PDE7B: variants seen among roughly 807,000 people sequenced by gnomAD.
The protein encoded by PDE7B is phosphodiesterase 7B, also known as 3',5'-cyclic-AMP phosphodiesterase 7B.
A neutral mutation model predicts 56.2 loss-of-function variants in PDE7B; 29 were observed. The observed-to-expected ratio is 0.52, with a 90% CI of 0.38 to 0.70. The LOEUF is 0.70. Among genes scored for constraint, PDE7B ranks in the 30% least tolerant of loss-of-function variants. The probability of loss-of-function intolerance (pLI) is 0.00; values close to 1 mark genes in which losing one functional copy is unlikely to be tolerated. For synonymous variants in PDE7B, 197 were observed against 196.9 expected, an observed-to-expected ratio of 1.00 and a Z score of 0.00; for missense variants, 490 against 565.0, an observed-to-expected ratio of 0.87 and a Z score of 1.35.
intron 1 of PDE7B, among the ~76,000 whole-genome samples, chr6:135,910,994 G>A (rs1776202303): frequency 6.6e-6 from 1 of 152,090 alleles, no homozygotes; most frequent in Admixed American, 6.5e-5. Flanking sequence ...ACAGATTGGT[G>A]GGGCAGTAAT....
At chr6:135,932,522 G>A (rs1774311687) in intron 1 of PDE7B, among the ~76,000 whole-genome samples, 1 of 152,172 alleles carries the variant, frequency 6.6e-6, no homozygotes, top group African/African-American at 2.4e-5. Flanking sequence ...CTGAACATAT[G>A]GAGAAGGGGA....
intron 1 of PDE7B, among the ~76,000 whole-genome samples, chr6:135,873,722 T>C (rs568007774): frequency 2.7e-4 from 41 of 152,308 alleles, no homozygotes; most frequent in African/African-American, 9.6e-4. Flanking sequence ...TTATAATCAA[T>C]ATAAACTTTG....
chr6:135,937,595 C>G (rs1401570617), intron 1 of PDE7B, among the ~76,000 whole-genome samples: 1 of 152,200 alleles, frequency 6.6e-6, no homozygotes, highest in Non-Finnish European at 1.5e-5. Flanking sequence ...AATCAGAATA[C>G]ATTATTCAGA....
At chr6:136,183,935 GAGATT>G (rs3837019) in intron 11 of PDE7B, among the ~76,000 whole-genome samples, 3,727 of 152,244 alleles carry the variant, frequency 0.024, 224 homozygotes, top group Admixed American at 0.12. Context: ...TCTCAGAACA[GAGATT>G]AGGACTCCAA....
intron 2 of PDE7B, among the ~76,000 whole-genome samples, chr6:135,971,514 AAGAG>A (rs1166086231): frequency 2.0e-5 from 3 of 152,180 alleles, no homozygotes; most frequent in African/African-American, 4.8e-5. Context: ...GCTTTCCAGA[AAGAG>A]AGAGCAGCAT....
At chr6:136,016,779 T>C (rs145725911) in intron 2 of PDE7B, among the ~76,000 whole-genome samples, 22 of 152,276 alleles carry the variant, frequency 1.4e-4, no homozygotes, top group Non-Finnish European at 2.6e-4. Flanking sequence ...AAAAAATGGC[T>C]GTTCTACTCA....
At chr6:135,959,613 T>C (rs1459811594) in intron 2 of PDE7B, among the ~76,000 whole-genome samples, 1 of 152,132 alleles carries the variant, frequency 6.6e-6, no homozygotes, top group African/African-American at 2.4e-5. Flanking sequence ...GCTATTTCAC[T>C]CTTTGTGTCA....
intron 1 of PDE7B, among the ~76,000 whole-genome samples, chr6:135,943,458 T>C (rs1450691507): frequency 6.6e-6 from 1 of 152,222 alleles, no homozygotes; most frequent in African/African-American, 2.4e-5. Flanking sequence ...AGATAGTCTA[T>C]TTGGCCAAGG....
intron 1 of PDE7B, among the ~76,000 whole-genome samples, chr6:135,916,059 A>G (rs772931741): frequency 6.6e-6 from 1 of 152,202 alleles, no homozygotes; most frequent in South Asian, 2.1e-4. Context: ...TTTCTCTTGA[A>G]TAAGTAGCTG....
chr6:135,953,168 T>C lies in PDE7B; in HGVS notation c.82+5644T>C, dbSNP rs114080062. Among the ~76,000 whole-genome samples, 572 of 152,266 alleles carry C rather than the reference T, an allele frequency of 3.8e-3. 3 individuals carry two copies. Among genetic ancestry groups the C allele is most frequent in the African/African-American group, 0.013 (547 of 41,546 alleles). ...ATCTGTGACAGTAGAGAAAAATGTT[T>C]TTTTCACTTTTTTGGAACTTTGTCA... On this transcript the variant is annotated intron_variant, in intron 2 of 12. Transcript: ENST00000308191.
At chr6:135,872,251 A>G (rs1313338827) in intron 1 of PDE7B, among the ~76,000 whole-genome samples, 1 of 151,952 alleles carries the variant, frequency 6.6e-6, no homozygotes, top group African/African-American at 2.4e-5. Flanking sequence ...TTCATTATAA[A>G]CTCTTATTTA....
At chr6:136,150,489 G>A (rs1399996357) in intron 5 of PDE7B, among the ~76,000 whole-genome samples, 1 of 152,110 alleles carries the variant, frequency 6.6e-6, no homozygotes, top group Non-Finnish European at 1.5e-5. Flanking sequence ...TGTGTTTTTG[G>A]TGCCTTTGTC....
chr6:136,141,801 G>A (rs527799669), intron 3 of PDE7B, among the ~76,000 whole-genome samples: 123 of 152,192 alleles, frequency 8.1e-4, no homozygotes, highest in African/African-American at 2.3e-3. Context: ...CTGTGGGATC[G>A]GTGCTGATAT....
At chr6:135,923,744 A>G (rs1344381555) in intron 1 of PDE7B, among the ~76,000 whole-genome samples, 1 of 152,204 alleles carries the variant, frequency 6.6e-6, no homozygotes, top group Non-Finnish European at 1.5e-5. Context: ...TAGAAATTAT[A>G]CATGGAAATT....
At chr6:136,118,191 C>T (rs1777871660) in intron 3 of PDE7B, among the ~76,000 whole-genome samples, 1 of 152,136 alleles carries the variant, frequency 6.6e-6, no homozygotes, top group African/African-American at 2.4e-5. Context: ...AGCATCTGTT[C>T]ACCCTTCAAG....
At chr6:136,150,103 A>G (rs1778484967) in intron 5 of PDE7B, among the ~76,000 whole-genome samples, 1 of 152,184 alleles carries the variant, frequency 6.6e-6, no homozygotes, top group South Asian at 2.1e-4. Flanking sequence ...ATATGAAATG[A>G]CCACATGACA....
chr6:135,896,894 A>G (rs942032881), intron 1 of PDE7B, among the ~76,000 whole-genome samples: 1 of 151,996 alleles, frequency 6.6e-6, no homozygotes, highest in Non-Finnish European at 1.5e-5. Context: ...CTTGTTGTCC[A>G]CCATCCCCCA....
intron 2 of PDE7B, among the ~76,000 whole-genome samples, chr6:136,098,531 T>G (rs1299049658): frequency 5.9e-5 from 9 of 152,288 alleles, no homozygotes; most frequent in Non-Finnish European, 2.9e-5. Context: ...CTTTATGGGA[T>G]TGCTAGGGAG....
At chr6:136,081,935 G>A (rs1266476220) in intron 2 of PDE7B, among the ~76,000 whole-genome samples, 2 of 152,176 alleles carry the variant, frequency 1.3e-5, no homozygotes, top group Non-Finnish European at 2.9e-5. Flanking sequence ...AACTTGGAGA[G>A]GTGGTCAAAC....
Sources: gnomAD v4.1 joint callset for allele counts (sites outside exome capture counted in the v4.1 genomes callset) on GRCh38, gnomAD v4.1.1 for gene constraint, MANE v1.5 for transcripts, NCBI Gene and HGNC (gene_info 2026-07-23, HGNC 2026-07-21) for gene names.